Variants in PUDP observed in about 807,000 individuals in gnomAD.
PUDP encodes the protein pseudouridine-5'-phosphatase.
PUDP carries 8 observed loss-of-function variants against 9.4 expected under a neutral mutation model. The observed-to-expected ratio is 0.85, with a 90% CI of 0.50 to 1.53. PUDP has a LOEUF of 1.53. Among genes scored for constraint, PUDP ranks in the 40% most tolerant of loss-of-function variants. The probability of loss-of-function intolerance (pLI) is 0.00; values close to 1 mark genes in which losing one functional copy is unlikely to be tolerated. For missense variants in PUDP, 188 were observed against 189.7 expected (o/e 0.99, Z 0.05); for synonymous variants, 99 against 80.7 (o/e 1.23, Z -1.22).
At chrX:6,797,753 T>C (rs1273006664) in intron 3 of PUDP, among the ~76,000 whole-genome samples, 1 of 112,027 alleles carries the variant, frequency 8.9e-6, no homozygotes, top group East Asian at 2.8e-4. Flanking sequence ...CCAGGATTGC[T>C]GAGTCACAGA....
At chrX:6,890,402 A>T (rs1265101308) in intron 3 of PUDP, among the ~76,000 whole-genome samples, 2 of 111,823 alleles carry the variant, frequency 1.8e-5, no homozygotes, top group African/African-American at 6.5e-5. Context: ...TTGGAACCCC[A>T]AATCAATATC....
chrX:6,847,780 T>C (rs1252153607), intron 3 of PUDP, among the ~76,000 whole-genome samples: 1 of 112,214 alleles, frequency 8.9e-6, no homozygotes, highest in Non-Finnish European at 1.9e-5. Context: ...TCAGCTGGCA[T>C]CAGAATCAGA....
intron 1 of PUDP, among the ~76,000 whole-genome samples, chrX:7,009,605 GT>G (rs200269786): frequency 5.4e-5 from 6 of 110,160 alleles, no homozygotes; most frequent in East Asian, 5.7e-4. Flanking sequence ...AATGCACTGG[GT>G]TTTTTTTTAA....
intron 3 of PUDP, among the ~76,000 whole-genome samples, chrX:6,853,769 A>T (rs1437263701): frequency 1.8e-5 from 2 of 110,892 alleles, no homozygotes; most frequent in Non-Finnish European, 3.8e-5. Context: ...GCATGTTTTT[A>T]AATTTTTTTT....
intron 3 of PUDP, among the ~76,000 whole-genome samples, chrX:6,868,130 T>C (rs1348661684): frequency 8.9e-6 from 1 of 111,790 alleles, no homozygotes; most frequent in East Asian, 2.8e-4. Flanking sequence ...GTGTTGGTGG[T>C]AGAGGTGACA....
At chrX:7,064,748 T>TG (rs1486563178) in intron 3 of PUDP, among the ~76,000 whole-genome samples, 1 of 111,844 alleles carries the variant, frequency 8.9e-6, no homozygotes, top group Non-Finnish European at 1.9e-5. Context: ...ACTATAGACA[T>TG]GCAGCTCAAA....
At chrX:7,019,381 G>A (rs868563211) in intron 1 of PUDP, among the ~76,000 whole-genome samples, 1 of 111,741 alleles carries the variant, frequency 8.9e-6, no homozygotes, top group Non-Finnish European at 1.9e-5. Flanking sequence ...AGTTTGAGAC[G>A]GCTGTTCAGA....
intron 1 of PUDP, among the ~76,000 whole-genome samples, chrX:7,115,823 G>A (rs1299722596): frequency 8.9e-6 from 1 of 112,640 alleles, no homozygotes; most frequent in Non-Finnish European, 1.9e-5. Context: ...GCACGTGGCT[G>A]CAAGGGGGAG....
At chrX:6,738,164 C>T (rs1304137270) in intron 3 of PUDP, among the ~76,000 whole-genome samples, 1 of 111,111 alleles carries the variant, frequency 9.0e-6, no homozygotes, top group Admixed American at 9.6e-5. Flanking sequence ...TGGTTGGTCC[C>T]CCAGTCCACA....
At chrX:7,106,536 A>G (rs1386563752) in intron 1 of PUDP, among the ~76,000 whole-genome samples, 1 of 112,386 alleles carries the variant, frequency 8.9e-6, no homozygotes, top group Non-Finnish European at 1.9e-5. Flanking sequence ...CACTACATAC[A>G]ATATAATAAC....
At chrX:7,092,974 A>T (rs1931466835) in intron 2 of PUDP, among the ~76,000 whole-genome samples, 1 of 112,770 alleles carries the variant, frequency 8.9e-6, no homozygotes. Flanking sequence ...TTTGAAAAAG[A>T]ATAACTATTG....
intron 1 of PUDP, among the ~76,000 whole-genome samples, chrX:7,114,711 C>T (rs1416879621): frequency 8.9e-6 from 1 of 111,932 alleles, no homozygotes; most frequent in East Asian, 2.8e-4. Context: ...GGCCACTGAC[C>T]TGGCATTATG....
intron 1 of PUDP, among the ~76,000 whole-genome samples, chrX:6,994,205 G>A (rs2043884701): frequency 9.0e-6 from 1 of 111,373 alleles, no homozygotes; most frequent in African/African-American, 3.3e-5. Flanking sequence ...TTGAGGCCAG[G>A]TGCTTGACAC....
At chrX:7,012,355 C>A (rs1024679980) in intron 1 of PUDP, among the ~76,000 whole-genome samples, 2 of 112,365 alleles carry the variant, frequency 1.8e-5, no homozygotes, top group Non-Finnish European at 3.7e-5. Context: ...AACTAACAAG[C>A]ATTTCTCTTC....
intron 3 of PUDP, among the ~76,000 whole-genome samples, chrX:6,917,156 G>A (rs1927947775): frequency 9.0e-6 from 1 of 111,469 alleles, no homozygotes; most frequent in African/African-American, 3.3e-5. Flanking sequence ...CTTAAGGCCA[G>A]GAGTTTGAGA....
intron 2 of PUDP, among the ~76,000 whole-genome samples, chrX:7,084,407 G>C (rs1431432461): frequency 1.8e-5 from 2 of 112,212 alleles, no homozygotes; most frequent in African/African-American, 6.5e-5. Flanking sequence ...GTGGGGGCAG[G>C]AATCATTCCT....
chrX:6,860,136 C>G lies in PUDP; in HGVS notation c.*247+116997G>C, dbSNP rs1487069085. On this transcript the variant is annotated intron_variant and NMD_transcript_variant, in intron 3 of 3. Transcript: ENST00000655425. The stretch of plus-strand genomic sequence containing the variant: ...GGACCCATGTAGCTCAGTTTCAAGC[C>G]CATGTTCTTTAATTATTATTACAAT... Among the ~76,000 whole-genome samples the G allele has an allele frequency of 2.7e-5, 3 of 111,332 alleles. No homozygotes were observed. In the East Asian group the frequency reaches 8.5e-4, roughly 31 times the overall value.
intron 3 of PUDP, among the ~76,000 whole-genome samples, chrX:6,779,501 A>T (rs1925521782): frequency 9.0e-6 from 1 of 111,501 alleles, no homozygotes; most frequent in African/African-American, 3.3e-5. Context: ...TGGACTTCCA[A>T]CCCTAATCTA....
At chrX:6,928,568 A>G (rs1256812263) in intron 3 of PUDP, among the ~76,000 whole-genome samples, 2 of 111,982 alleles carry the variant, frequency 1.8e-5, no homozygotes, top group Non-Finnish European at 3.8e-5. Flanking sequence ...ATAAAATTAA[A>G]ATTATAAATT....
Sources: gnomAD v4.1 joint callset for allele counts (sites outside exome capture counted in the v4.1 genomes callset) on GRCh38, gnomAD v4.1.1 for gene constraint, MANE v1.5 for transcripts, NCBI Gene and HGNC (gene_info 2026-07-23, HGNC 2026-07-21) for gene names.